The following PKD1L1 variants were observed in gnomAD, a reference collection of about 807,000 sequenced individuals.
PKD1L1 encodes polycystin 1 like 1, transient receptor potential channel interacting.
PKD1L1 carries 236 observed loss-of-function variants against 323.4 expected under a neutral mutation model. The ratio of observed to expected loss-of-function variants is 0.73; its 90% CI spans 0.66 to 0.81. PKD1L1 has a LOEUF of 0.81. Ranked by LOEUF, PKD1L1 falls within the 40% of genes least tolerant of loss-of-function variation. The probability of loss-of-function intolerance (pLI) is 0.00; values close to 1 mark genes in which losing one functional copy is unlikely to be tolerated. For missense variants in PKD1L1, 3,320 were observed against 3,508.0 expected (o/e 0.95, Z 1.35); for synonymous variants, 1,344 against 1,335.0 (o/e 1.01, Z -0.15).
rs1786978116 is a variant in PKD1L1 at position 47,792,702 on chromosome 7, T to C, written c.8451A>G (p.Lys2817=). 2 of 1,614,002 alleles carry C rather than the reference T, an allele frequency of 1.2e-6. No individual in the cohort carries two copies. Among genetic ancestry groups the C allele is most frequent in the Admixed American group, 1.7e-5 (1 of 60,002 alleles). The change falls in exon 56 of 57, where the codon AAA becomes AAG. Residue 2817 remains lysine (K), a synonymous_variant. Transcript: ENST00000289672. ...SDSLQLPLLE[K]TSNNTGEART... is the part of the protein sequence containing the mutation. ...TTGCCTCCCCTGTGTTGTTGGATGTTTTTTCCAGAAGGGGGAGTTGTAGGC... is the reference window on the plus strand; with the variant it reads ...TTGCCTCCCCTGTGTTGTTGGATGTCTTTTCCAGAAGGGGGAGTTGTAGGC...
intron 56 of PKD1L1, among the ~76,000 whole-genome samples, chr7:47,789,031 A>G (rs1245700519): frequency 1.3e-5 from 2 of 152,258 alleles, no homozygotes; most frequent in East Asian, 1.9e-4. Context: ...TCAAAAATCA[A>G]TAAGACTGAC....
At chr7:47,876,276 A>C in intron 22 of PKD1L1, 59 bp from the exon 23 acceptor site, 8 of 1,555,112 alleles carry the variant, frequency 5.1e-6, no homozygotes, top group Non-Finnish European at 6.2e-6. Context: ...GAATGATATC[A>C]CAATACATAC....
At chr7:47,859,090 G>T (rs1161797361) in intron 26 of PKD1L1, among the ~76,000 whole-genome samples, 2 of 152,232 alleles carry the variant, frequency 1.3e-5, no homozygotes, top group East Asian at 1.9e-4. Flanking sequence ...CGGGCTAAGA[G>T]AACTGGATTT....
At chr7:47,879,872 G>A (rs59403455) in intron 21 of PKD1L1, among the ~76,000 whole-genome samples, 14,422 of 134,550 alleles carry the variant, frequency 0.11, 765 homozygotes, top group South Asian at 0.18. Context: ...GGCAGAGCTT[G>A]CGGTGAGCCA....
intron 56 of PKD1L1, among the ~76,000 whole-genome samples, chr7:47,784,825 T>C (rs6970254): frequency 0.28 from 42,389 of 152,140 alleles, 6,243 homozygotes; most frequent in East Asian, 0.57. Flanking sequence ...TTAAACTTAA[T>C]AAGAAAGTTA....
intron 13 of PKD1L1, among the ~76,000 whole-genome samples, chr7:47,900,479 C>T (rs1208607384): frequency 6.6e-6 from 1 of 152,134 alleles, no homozygotes; most frequent in African/African-American, 2.4e-5. Context: ...GGTGGCTCAT[C>T]GCACATTGGG....
Position 47,946,316 on chromosome 7 carries a change from G to A in PKD1L1, c.44+2081C>T, listed in dbSNP as rs1788093982. On this transcript the variant is annotated intron_variant, in intron 1 of 56. Transcript: ENST00000289672. The surrounding 1 kb of genome is among the most constrained non-coding windows in gnomAD (Gnocchi z 4.1). Reference sequence around the variant, plus strand: ...TTCGGGGCCTGTCAGGGGCTGGGGGGCAAGGGGAGGGAGAGCATTAGGACA... The same window carrying A: ...TTCGGGGCCTGTCAGGGGCTGGGGGACAAGGGGAGGGAGAGCATTAGGACA... 6.6e-6 allele frequency among the ~76,000 whole-genome samples: 1 copy of A among 151,842 alleles called. No individual in the cohort carries two copies. The highest frequency in any genetic ancestry group is 2.4e-5 in the African/African-American group (1 of 41,328).
At chr7:47,960,230 T>A in the PKD1L1 span, among the ~76,000 whole-genome samples, 3 of 150,058 alleles carry the variant, frequency 2.0e-5, no homozygotes, top group Admixed American at 6.6e-5. Context: ...ACACAAACAC[T>A]GCGGAAGGCC....
chr7:47,936,831 G>A lies in PKD1L1; in HGVS notation c.398+15C>T, dbSNP rs1421211433. The A allele has an allele frequency of 6.4e-6, 10 of 1,552,722 alleles. No homozygotes were observed. The highest frequency in any genetic ancestry group is 2.3e-5 in the South Asian group (2 of 85,754). ...GTTCAGAAAAGCAATATTTCGCCAT[G>A]GTACATTGACATACCTATCAGCACT... On this transcript the variant is annotated intron_variant, in intron 4 of 56. Transcript: ENST00000289672.
intron 21 of PKD1L1, among the ~76,000 whole-genome samples, chr7:47,879,408 G>A (rs1227915249): frequency 2.0e-5 from 3 of 151,932 alleles, no homozygotes; most frequent in Non-Finnish European, 4.4e-5. Context: ...CAGGTGGATC[G>A]CTCACTTGAG....
intron 13 of PKD1L1, among the ~76,000 whole-genome samples, chr7:47,900,532 CA>C (rs1205922252): frequency 1.3e-5 from 2 of 152,114 alleles, no homozygotes; most frequent in Non-Finnish European, 2.9e-5. Context: ...AGTTCAAGAC[CA>C]GCCTGACCAA....
At position 47,830,189 on chromosome 7, in the gene PKD1L1, C is replaced by T. The variant is rs1275075771; in HGVS notation, c.6474-65G>A. ...GGAGCAGGCCACCCAGCAGTCATTG[C>T]TGCCTAAGCACAGGGACACTGCCTG... On this transcript the variant is annotated intron_variant, in intron 42 of 56. Coordinates refer to ENST00000289672, the MANE Select transcript of PKD1L1 (RefSeq NM_138295.5). The T allele has an allele frequency of 3.6e-6, 5 of 1,378,194 alleles. 1 individual carries two copies. Among genetic ancestry groups the T allele is most frequent in the Non-Finnish European group, 5.1e-6 (5 of 978,614 alleles). 85.4% of individuals were successfully genotyped at this position (1,378,194 alleles called of 1,614,324 possible).
At chr7:47,940,539 A>T (rs1379913970) in intron 2 of PKD1L1, among the ~76,000 whole-genome samples, 2 of 152,208 alleles carry the variant, frequency 1.3e-5, no homozygotes, top group Non-Finnish European at 2.9e-5. Flanking sequence ...GCCCACACTA[A>T]GCAATATGAG....
At chr7:47,960,392 A>AG in the PKD1L1 span, among the ~76,000 whole-genome samples, 1 of 125,030 alleles carries the variant, frequency 8.0e-6, no homozygotes, top group African/African-American at 2.7e-5. Flanking sequence ...AAAAAAAAAA[A>AG]AACTGTAAAA....
intron 41 of PKD1L1, among the ~76,000 whole-genome samples, chr7:47,832,460 G>C (rs1785366770): frequency 6.6e-6 from 1 of 152,184 alleles, no homozygotes. Flanking sequence ...GTGCAGCCTG[G>C]GCCCAACCAA....
Position 47,813,035 on chromosome 7 carries a change from C to A in PKD1L1, c.7346+86G>T, listed in dbSNP as rs536665157. ...CAGGCCTGTCAGGAGGCTGCACCTG[C>A]TGCAGATGCGCTGCGTCCAGCAGGC... On this transcript the variant is annotated intron_variant, in intron 49 of 56. Coordinates refer to ENST00000289672, the MANE Select transcript of PKD1L1 (RefSeq NM_138295.5). 1,045 of 1,505,450 alleles carry A rather than the reference C, an allele frequency of 6.9e-4. 2 individuals are homozygous for A. The highest frequency in any genetic ancestry group is 8.7e-4 in the Non-Finnish European group (975 of 1,115,680). 93.3% of individuals were successfully genotyped at this position (1,505,450 alleles called of 1,614,324 possible). A position where few individuals can be genotyped will look rare whatever the true frequency, so the allele number is the denominator to read the frequency against.
intron 5 of PKD1L1, 148 bp downstream of exon 5, chr7:47,931,788 G>T: frequency 9.4e-7 from 1 of 1,066,012 alleles, no homozygotes; most frequent in Non-Finnish European, 1.3e-6. Flanking sequence ...CAAACTGCCT[G>T]AGCAGTGTCC....
chr7:47,917,833 A>T (rs942292572), intron 7 of PKD1L1, among the ~76,000 whole-genome samples: 2 of 152,190 alleles, frequency 1.3e-5, no homozygotes, highest in African/African-American at 4.8e-5. Context: ...AAATCTTGAA[A>T]CAAATCCTGG....
rs188565289 is a variant in PKD1L1, at chr7:47,819,129, G to C, written c.6965+1947C>G. On this transcript the variant is annotated intron_variant, in intron 46 of 56. Transcript: ENST00000289672. ...TTCAGGATTAGGTATTGGGGGCTAG[G>C]GGGTGAGACGGAGAGGGTCCACTTT... Among the ~76,000 whole-genome samples, 11 of 152,282 alleles carry C rather than the reference G, an allele frequency of 7.2e-5. No individual in the cohort carries two copies. The South Asian group carries it at 2.1e-3, about 29-fold the overall frequency.
Sources: allele counts gnomAD v4.1 joint callset (sites outside exome capture counted in the v4.1 genomes callset), GRCh38; gene constraint gnomAD v4.1.1; non-coding constraint Gnocchi (gnomAD v3.1); transcripts MANE v1.5; gene names NCBI Gene and HGNC (gene_info 2026-07-23, HGNC 2026-07-21).